Variants in SNX13 observed in about 807,000 individuals in gnomAD.
SNX13 encodes the protein sorting nexin 13, also known as sorting nexin-13.
In SNX13, 45 loss-of-function variants were observed where a neutral mutation model predicts 133.6. That is an observed-to-expected ratio of 0.34 (90% CI 0.27 to 0.43). The LOEUF (loss-of-function observed/expected upper bound fraction) is 0.43. Among genes scored for constraint, SNX13 ranks in the 20% least tolerant of loss-of-function variants. The pLI is 1.00. For synonymous variants in SNX13, 414 were observed against 373.9 expected (o/e 1.11, Z -1.24); for missense variants, 1,032 against 1,145.1 (o/e 0.90, Z 1.43).
Position 17,830,046 on chromosome 7 carries a change from T to A in SNX13, c.1599A>T (p.Glu533Asp), listed in dbSNP as rs1788302683. 1 of 1,529,674 alleles carries A rather than the reference T, an allele frequency of 6.5e-7. No individual in the cohort carries two copies. Among genetic ancestry groups the A allele is most frequent in the African/African-American group, 1.4e-5 (1 of 72,382 alleles). 94.8% of individuals were successfully genotyped at this position (1,529,674 alleles called of 1,614,324 possible). Residue 533 changes from glutamate (E) to aspartate (D), a missense_variant and splice_region_variant, in exon 16 of 26, where the codon GAA becomes GAT. Physicochemically the swap from Glu to Asp is conservative, Grantham distance 45. Coordinates refer to ENST00000428135, the MANE Select transcript of SNX13 (RefSeq NM_015132.5). ...SFRGSDDGDG[E>D]SFNGSPTGSI... Reference sequence around the variant, plus strand: ...TTCCTGTAGGAGACCCATTAAAAGATTCTGCAGGGGGGAAATTCAACTTAG... The same window carrying A: ...TTCCTGTAGGAGACCCATTAAAAGAATCTGCAGGGGGGAAATTCAACTTAG...
At chr7:17,903,695 A>C (rs1327315639) in intron 1 of SNX13, among the ~76,000 whole-genome samples, 1 of 152,238 alleles carries the variant, frequency 6.6e-6, no homozygotes, top group Non-Finnish European at 1.5e-5. Flanking sequence ...TCTGATACTA[A>C]ACAAATCTTG....
At chr7:17,903,097 A>T (rs552153239) in intron 1 of SNX13, among the ~76,000 whole-genome samples, 3 of 152,196 alleles carry the variant, frequency 2.0e-5, no homozygotes, top group Non-Finnish European at 4.4e-5. Flanking sequence ...TGCTAAATAC[A>T]ATAATCAACA....
At chr7:17,906,143 A>G (rs1057426894) in intron 1 of SNX13, among the ~76,000 whole-genome samples, 1 of 152,230 alleles carries the variant, frequency 6.6e-6, no homozygotes, top group African/African-American at 2.4e-5. Flanking sequence ...TGATTTTACA[A>G]AAGAGGGAGA....
At chr7:17,891,020 T>A (rs992871484) in intron 4 of SNX13, among the ~76,000 whole-genome samples, 3 of 151,914 alleles carry the variant, frequency 2.0e-5, no homozygotes, top group African/African-American at 7.2e-5. Flanking sequence ...ACTCAATGTA[T>A]AATTTTTACA....
intron 16 of SNX13, among the ~76,000 whole-genome samples, chr7:17,827,302 G>T (rs960275727): frequency 6.6e-6 from 1 of 151,904 alleles, no homozygotes; most frequent in Non-Finnish European, 1.5e-5. Context: ...CATGTTTCAC[G>T]TATTTATATC....
Position 17,924,612 on chromosome 7 carries a change from T to C in SNX13, c.12+15672A>G, listed in dbSNP as rs146795851. 5.9e-5 allele frequency among the ~76,000 whole-genome samples: 9 copies of C among 152,284 alleles called. No homozygotes were observed. The East Asian group carries it at 1.5e-3, about 26-fold the overall frequency. On this transcript the variant is annotated intron_variant, in intron 1 of 25. Transcript: ENST00000428135. ...AACCCAGCAATTCCATTCCTAGGTA[T>C]AGACTCAAAAGAAATGAAAACATAT... is the stretch of plus-strand genomic sequence containing the variant.
intron 1 of SNX13, among the ~76,000 whole-genome samples, chr7:17,931,720 GAGAAA>G (rs1801408274): frequency 1.3e-5 from 2 of 152,210 alleles, no homozygotes; most frequent in African/African-American, 2.4e-5. Flanking sequence ...TAGGAAATCA[GAGAAA>G]ACAGTGCAAT....
rs1451525738 is a variant in SNX13, at chr7:17,791,664, G to C, written c.*2381C>G. Reference sequence around the variant, plus strand: ...AAACATTCAAAATCAAATACCAGAAGACATAAAGCCTCTTCATGTATATAT... The same window carrying C: ...AAACATTCAAAATCAAATACCAGAACACATAAAGCCTCTTCATGTATATAT... On this transcript the variant is annotated 3_prime_UTR_variant, in exon 26 of 26. Coordinates refer to ENST00000428135, the MANE Select transcript of SNX13 (RefSeq NM_015132.5). The C allele has an allele frequency of 1.3e-5, 2 of 151,970 alleles. No individual in the cohort carries two copies. Among genetic ancestry groups the C allele is most frequent in the Non-Finnish European group, 1.5e-5 (1 of 67,918 alleles). The allele number at this position is 151,970 out of a possible 1,614,324, so 9.4% of individuals were successfully genotyped here.
rs1485453319 is a variant in SNX13, at chr7:17,834,119, C to A, written c.1530G>T (p.Val510=). Residue 510 remains valine (V), a synonymous_variant, in exon 15 of 26, where the codon GTG becomes GTT. Transcript: ENST00000428135. The part of the protein sequence containing the change: ...YPSFRQNALY[V]RMLAELDMLK... ...ACATGTCAAGCTCAGCTAACATGCG[C>A]ACATAAAGTGCATTCTGTCTGAAGG... is the stretch of plus-strand genomic sequence containing the variant. 4.4e-6 allele frequency: 7 copies of A among 1,594,302 alleles called. No homozygotes were observed. Among genetic ancestry groups the A allele is most frequent in the Non-Finnish European group, 4.3e-6 (5 of 1,167,692 alleles).
chr7:17,901,782 C>T (rs551282879), intron 1 of SNX13, among the ~76,000 whole-genome samples: 1 of 152,170 alleles, frequency 6.6e-6, no homozygotes, highest in Non-Finnish European at 1.5e-5. Context: ...GTGATCAGTC[C>T]CTGATTTTTG....
intron 1 of SNX13, among the ~76,000 whole-genome samples, chr7:17,940,009 G>A (rs1802623214): frequency 6.6e-6 from 1 of 152,238 alleles, no homozygotes; most frequent in Non-Finnish European, 1.5e-5. Context: ...CGATGAGTTA[G>A]AAGGGAGTGA....
intron 20 of SNX13, among the ~76,000 whole-genome samples, chr7:17,809,805 G>A (rs1312365966): frequency 6.6e-6 from 1 of 152,132 alleles, no homozygotes; most frequent in Non-Finnish European, 1.5e-5. Context: ...TAGAACTCAG[G>A]ATTAAGAAAC....
At chr7:17,812,462 T>C (rs184028790) in intron 20 of SNX13, among the ~76,000 whole-genome samples, 344 of 152,238 alleles carry the variant, frequency 2.3e-3, no homozygotes, top group African/African-American at 7.4e-3. Flanking sequence ...CTCACACCAG[T>C]TAGAATGGCA....
intron 18 of SNX13, among the ~76,000 whole-genome samples, chr7:17,819,517 G>A (rs1013466786): frequency 4.6e-5 from 7 of 152,216 alleles, no homozygotes; most frequent in South Asian, 2.1e-4. Context: ...GTGAGGCACC[G>A]CGCTTGGCAT....
intron 2 of SNX13, among the ~76,000 whole-genome samples, chr7:17,896,634 C>T (rs1562487628): frequency 6.6e-6 from 1 of 152,124 alleles, no homozygotes; most frequent in African/African-American, 2.4e-5. Flanking sequence ...TATAAACATA[C>T]ATACAAACAC....
At position 17,850,459 on chromosome 7, in the gene SNX13, T is replaced by C. The variant is rs755323694; in HGVS notation, c.977-24A>G. 8.9e-6 allele frequency: 12 copies of C among 1,353,118 alleles called. No individual in the cohort carries two copies. In the East Asian group the frequency reaches 2.5e-4, roughly 28 times the overall value. The allele number at this position is 1,353,118 out of a possible 1,614,324, so 83.8% of individuals were successfully genotyped here. A position where few individuals can be genotyped will look rare whatever the true frequency, so the allele number is the denominator to read the frequency against. On this transcript the variant is annotated intron_variant, in intron 10 of 25. Transcript: ENST00000428135. ...ATCTAAAAGCAAAGAAATCATGAACTAGAAAGTGGTAGTGTTATTTATGAA... is the reference window on the plus strand; with the variant it reads ...ATCTAAAAGCAAAGAAATCATGAACCAGAAAGTGGTAGTGTTATTTATGAA...
intron 1 of SNX13, among the ~76,000 whole-genome samples, chr7:17,903,968 T>C (rs909217452): frequency 6.6e-6 from 1 of 152,174 alleles, no homozygotes; most frequent in South Asian, 2.1e-4. Context: ...TTAGATAATC[T>C]ACCTGTGTTG....
At chr7:17,911,795 G>A (rs1055477758) in intron 1 of SNX13, among the ~76,000 whole-genome samples, 1 of 152,048 alleles carries the variant, frequency 6.6e-6, no homozygotes, top group East Asian at 1.9e-4. Context: ...CTATACCCAA[G>A]GATAGAAATC....
intron 15 of SNX13, chr7:17,831,724 T>C (rs907444647): frequency 1.0e-6 from 1 of 983,924 alleles, no homozygotes; most frequent in East Asian, 1.1e-4. Flanking sequence ...TTTCAGAATA[T>C]CTAAAAAATG....
Sources: allele counts gnomAD v4.1 joint callset (sites outside exome capture counted in the v4.1 genomes callset), GRCh38; gene constraint gnomAD v4.1.1; transcripts MANE v1.5; gene names NCBI Gene and HGNC (gene_info 2026-07-23, HGNC 2026-07-21).